Variants in ZC3H7B observed in about 807,000 individuals in gnomAD.
The protein encoded by ZC3H7B is zinc finger CCCH-type containing 7B.
In ZC3H7B, 35 loss-of-function variants were observed where a neutral mutation model predicts 116.0. The observed-to-expected ratio is 0.30, with a 90% CI of 0.23 to 0.40. ZC3H7B has a LOEUF of 0.40. ZC3H7B is among the 10% of genes least tolerant of loss of function. ZC3H7B has a pLI of 1.00. For missense variants in ZC3H7B, 1,011 were observed against 1,321.5 expected (o/e 0.77, Z 3.64); for synonymous variants, 502 against 545.6 (o/e 0.92, Z 1.11).
chr22:41,320,051 G>A (rs538677578), intron 1 of ZC3H7B, among the ~76,000 whole-genome samples: 1 of 151,206 alleles, frequency 6.6e-6, no homozygotes, highest in South Asian at 2.1e-4. Flanking sequence ...AAAAATGGGG[G>A]GCCGGGCATA....
At position 41,354,520 on chromosome 22, in the gene ZC3H7B, G is replaced by T. The variant is rs1456752325; in HGVS notation, c.2035-949G>T. ...GGGAGTAGGCCACAGCTTCTGTGGG[G>T]GAGTTCCTATGGCAGGAGGATCATG... On this transcript the variant is annotated intron_variant, in intron 17 of 22. Coordinates refer to ENST00000352645, the MANE Select transcript of ZC3H7B (RefSeq NM_017590.6). Among the ~76,000 whole-genome samples, 3 of 152,288 alleles carry T rather than the reference G, an allele frequency of 2.0e-5. No homozygotes were observed. The East Asian group carries it at 5.8e-4, about 29-fold the overall frequency.
intron 6 of ZC3H7B, among the ~76,000 whole-genome samples, chr22:41,330,954 C>T (rs181881316): frequency 4.1e-5 from 6 of 147,232 alleles, no homozygotes; most frequent in African/African-American, 1.5e-4. Context: ...CTGCAAGCTC[C>T]GCCTCCCGGG....
intron 1 of ZC3H7B, among the ~76,000 whole-genome samples, chr22:41,303,153 CAGAAGTTGGACTGCA>C (rs1299415956): frequency 3.3e-5 from 5 of 152,196 alleles, no homozygotes; most frequent in African/African-American, 1.2e-4. Flanking sequence ...CCACCTCCCA[CAGAAGTTGGACTGCA>C]AGGTGGAAAT....
intron 17 of ZC3H7B, among the ~76,000 whole-genome samples, chr22:41,352,109 TA>T (rs2036660522): frequency 6.6e-6 from 1 of 152,226 alleles, no homozygotes; most frequent in Non-Finnish European, 1.5e-5. Flanking sequence ...GTGCAGCGAT[TA>T]CAGGCATGAG....
At chr22:41,345,338 C>T (rs2036570621) in intron 13 of ZC3H7B, among the ~76,000 whole-genome samples, 1 of 152,164 alleles carries the variant, frequency 6.6e-6, no homozygotes, top group Admixed American at 6.5e-5. Context: ...GTAATCCCAG[C>T]ACTTTGGGAG....
intron 14 of ZC3H7B, among the ~76,000 whole-genome samples, chr22:41,347,649 C>T (rs966506829): frequency 2.0e-5 from 3 of 152,244 alleles, no homozygotes; most frequent in African/African-American, 7.2e-5. Flanking sequence ...ACCCTCATCC[C>T]TGGCACCACC....
chr22:41,351,572 G>A lies in ZC3H7B; in HGVS notation c.1960G>A (p.Glu654Lys), dbSNP rs75005031. The change falls in exon 17 of 23, where the codon GAA becomes AAA. Residue 654 changes from glutamate to lysine, a missense_variant. Coordinates refer to ENST00000352645, the MANE Select transcript of ZC3H7B (RefSeq NM_017590.6). This position sits in a 1 kb window ranked among gnomAD's most constrained non-coding sequence, Gnocchi z 5.1. Reference sequence around the variant, plus strand: ...CCCACCCTCCCCAGGCATGACCCACGAAGACATCGTTCAGGAGTCTAAGAA... The same window carrying A: ...CCCACCCTCCCCAGGCATGACCCACAAAGACATCGTTCAGGAGTCTAAGAA... ...LLQQYSGMTH[E>K]DIVQESKKYW... The A allele has an allele frequency of 2.9e-4, 464 of 1,613,624 alleles. 2 individuals are homozygous for A. The African/African-American group carries it at 5.4e-3, about 19-fold the overall frequency.
chr22:41,339,996 G>A lies in ZC3H7B; in HGVS notation c.997G>A (p.Ala333Thr), dbSNP rs139915247. ...LVMDPSKKLA[A>T]SVLDALDPPG... ...CATGGACCCCTCCAAGAAGCTGGCC[G>A]CCTCTGTGCTGGATGCCCTCGATCC... Residue 333 changes from alanine (A) to threonine (T), a missense_variant, in exon 10 of 23, where the codon GCC (alanine) becomes ACC (threonine). Ala to Thr is a moderately conservative substitution (Grantham distance 58). Coordinates refer to ENST00000352645, the MANE Select transcript of ZC3H7B (RefSeq NM_017590.6). 9.4e-5 allele frequency: 151 copies of A among 1,611,240 alleles called. 1 individual carries two copies. The African/African-American group carries it at 1.3e-3, about 14-fold the overall frequency.
intron 7 of ZC3H7B, chr22:41,333,813 T>A (rs2036411088): frequency 6.6e-6 from 1 of 152,170 alleles, no homozygotes. Context: ...GGATGGACAT[T>A]AGGACATTAG....
At position 41,339,813 on chromosome 22, in the gene ZC3H7B, T is replaced by C. The variant is rs2036495517; in HGVS notation, c.817-3T>C. The C allele has an allele frequency of 1.3e-6, 2 of 1,587,954 alleles. No individual in the cohort carries two copies. Among genetic ancestry groups the C allele is most frequent in the Admixed American group, 3.4e-5 (2 of 58,880 alleles). On this transcript the variant is annotated splice_polypyrimidine_tract_variant and splice_region_variant and intron_variant, in intron 9 of 22. Coordinates refer to ENST00000352645, the MANE Select transcript of ZC3H7B (RefSeq NM_017590.6). ...GACCCCTCCCTCTGTCCCTGCCTCA[T>C]AGTCTCTGGTCCAGGGTGGCCTGTC...
Position 41,357,367 on chromosome 22 carries a change from G to A in ZC3H7B, c.2872G>A (p.Asp958Asn), listed in dbSNP as rs779832096. 20 of 1,613,368 alleles carry A rather than the reference G, an allele frequency of 1.2e-5. No homozygotes were observed. The highest frequency in any genetic ancestry group is 1.6e-5 in the Non-Finnish European group (19 of 1,179,962). Residue 958 changes from aspartate to asparagine, a missense_variant, in exon 23 of 23, where the codon GAC becomes AAC. Asp to Asn is a conservative substitution (Grantham distance 23). Around this residue, in one of 5 missense-constraint regions of ZC3H7B, gnomAD observed 406 missense variants for 590.2 expected, o/e 0.69. Transcript: ENST00000352645. This position sits in a 1 kb window ranked among gnomAD's most constrained non-coding sequence, Gnocchi z 5.4. Reference protein sequence around the residue: ...KYNFLLQEDGDLAGATPEAPA... With the variant: ...KYNFLLQEDGNLAGATPEAPA... ...CAACTTCCTGCTGCAAGAGGACGGG[G>A]ACCTTGCCGGTGCCACCCCAGAAGC...
At chr22:41,340,750 G>T (rs2064713666) in intron 10 of ZC3H7B, among the ~76,000 whole-genome samples, 1 of 152,342 alleles carries the variant, frequency 6.6e-6, no homozygotes, top group East Asian at 1.9e-4. Context: ...CACTAGCCTG[G>T]CATGGCATGG....
chr22:41,319,237 T>C (rs2145907824), intron 1 of ZC3H7B, among the ~76,000 whole-genome samples: 1 of 151,860 alleles, frequency 6.6e-6, no homozygotes, highest in African/African-American at 2.4e-5. Flanking sequence ...CCCTCTCTAC[T>C]AAAAATACAA....
intron 10 of ZC3H7B, 28 bp from the exon 11 acceptor site, chr22:41,341,060 C>A: frequency 6.2e-7 from 1 of 1,608,912 alleles, no homozygotes; most frequent in Admixed American, 1.7e-5. Context: ...GCCAGAGCCA[C>A]TGACCCCTGT....
chr22:41,354,874 C>T (rs1301464056), intron 17 of ZC3H7B, among the ~76,000 whole-genome samples: 2 of 152,102 alleles, frequency 1.3e-5, no homozygotes, highest in Admixed American at 6.5e-5. Context: ...GCCACTCAGA[C>T]GCCTGTCCCA....
intron 1 of ZC3H7B, among the ~76,000 whole-genome samples, chr22:41,307,145 T>G (rs2036054575): frequency 6.6e-6 from 1 of 151,896 alleles, no homozygotes; most frequent in South Asian, 2.1e-4. Context: ...GGCTAATTTT[T>G]TTTTGTATTT....
chr22:41,329,969 A>G, intron 5 of ZC3H7B, 54 bp from the exon 6 acceptor site: 2 of 1,595,486 alleles, frequency 1.3e-6, no homozygotes, highest in Non-Finnish European at 8.6e-7. Flanking sequence ...CCAGGAGCAC[A>G]GCTTTGTGAG....
intron 13 of ZC3H7B, among the ~76,000 whole-genome samples, chr22:41,344,380 C>T (rs2036560049): frequency 6.6e-6 from 1 of 152,222 alleles, no homozygotes; most frequent in Non-Finnish European, 1.5e-5. Flanking sequence ...TGCCCGTGGC[C>T]AGTGGGATGA....
chr22:41,337,802 C>T (rs940610734), intron 7 of ZC3H7B, among the ~76,000 whole-genome samples: 1 of 152,112 alleles, frequency 6.6e-6, no homozygotes, highest in Admixed American at 6.5e-5. Flanking sequence ...GCCCATGCCC[C>T]CACCTGCTGG....
Sources: allele counts gnomAD v4.1 joint callset (sites outside exome capture counted in the v4.1 genomes callset), GRCh38; gene constraint gnomAD v4.1.1; regional missense constraint gnomAD v4.1.1; non-coding constraint Gnocchi (gnomAD v3.1); transcripts MANE v1.5; gene names NCBI Gene and HGNC (gene_info 2026-07-23, HGNC 2026-07-21).